Variants in ZNF736 observed in about 807,000 individuals in gnomAD.
ZNF736 encodes the protein zinc finger protein 736.
In ZNF736, 6 loss-of-function variants were observed where a neutral mutation model predicts 11.7. The ratio of observed to expected loss-of-function variants is 0.51; its 90% CI spans 0.28 to 1.01. ZNF736 has a LOEUF of 1.01. Ranked by LOEUF, ZNF736 falls within the 50% of genes least tolerant of loss-of-function variation. ZNF736 has a pLI of 0.09. For missense variants in ZNF736, 444 were observed against 496.0 expected (o/e 0.90, Z 1.00); for synonymous variants, 139 against 164.7 (o/e 0.84, Z 1.19).
intron 3 of ZNF736, among the ~76,000 whole-genome samples, chr7:64,341,154 A>G (rs1281786453): frequency 1.3e-5 from 2 of 152,066 alleles, no homozygotes; most frequent in Non-Finnish European, 2.9e-5. Flanking sequence ...TTTTTCTGCC[A>G]CAATTTCTAC....
chr7:64,319,599 A>C (rs1019957649), intron 1 of ZNF736, among the ~76,000 whole-genome samples: 2 of 141,332 alleles, frequency 1.4e-5, no homozygotes, highest in African/African-American at 5.3e-5. Context: ...GGATTCAAGC[A>C]ATTTTCCTGC....
At chr7:64,341,613 CTG>C (rs757941054) in intron 3 of ZNF736, among the ~76,000 whole-genome samples, 9 of 152,162 alleles carry the variant, frequency 5.9e-5, no homozygotes, top group Non-Finnish European at 1.0e-4. Context: ...CAGATACAAA[CTG>C]TAATTCTCAT....
chr7:64,330,153 G>A (rs1318380281), intron 1 of ZNF736, among the ~76,000 whole-genome samples: 4 of 148,838 alleles, frequency 2.7e-5, no homozygotes, highest in Non-Finnish European at 4.4e-5. Context: ...CAGGGAAGTG[G>A]GGTTTTTTTT....
At chr7:64,316,650 G>A (rs534706542) in intron 1 of ZNF736, among the ~76,000 whole-genome samples, 1 of 152,028 alleles carries the variant, frequency 6.6e-6, no homozygotes, top group Non-Finnish European at 1.5e-5. Flanking sequence ...ACTTCTCCCT[G>A]TGTTTGTCAC....
chr7:64,319,295 ATGTG>A (rs1344992885), intron 1 of ZNF736, among the ~76,000 whole-genome samples: 1 of 120,572 alleles, frequency 8.3e-6, no homozygotes, highest in East Asian at 2.8e-4. Flanking sequence ...GTATGTATGT[ATGTG>A]TGTGTGTGTA....
intron 1 of ZNF736, among the ~76,000 whole-genome samples, chr7:64,316,072 T>A (rs879370798): frequency 7.9e-5 from 12 of 152,184 alleles, no homozygotes; most frequent in Non-Finnish European, 1.5e-4. Context: ...GTCACTCTCC[T>A]GTGTTTTCCT....
At chr7:64,323,035 C>T (rs1044956918) in intron 1 of ZNF736, among the ~76,000 whole-genome samples, 11 of 152,120 alleles carry the variant, frequency 7.2e-5, no homozygotes, top group African/African-American at 2.7e-4. Context: ...TCTTTAGCGC[C>T]TTCTTTTTTT....
At chr7:64,316,173 C>T (rs1788915008) in intron 1 of ZNF736, among the ~76,000 whole-genome samples, 1 of 152,240 alleles carries the variant, frequency 6.6e-6, no homozygotes, top group Non-Finnish European at 1.5e-5. Context: ...GCCCCTGGGT[C>T]ATCTCCTTTC....
chr7:64,342,261 G>A (rs200154172), intron 3 of ZNF736, among the ~76,000 whole-genome samples: 1 of 152,114 alleles, frequency 6.6e-6, no homozygotes, highest in East Asian at 1.9e-4. Flanking sequence ...CGGAACAGAT[G>A]TCATATGTTT....
intron 1 of ZNF736, among the ~76,000 whole-genome samples, chr7:64,332,556 TAAAC>T (rs1412435964): frequency 2.6e-5 from 4 of 152,150 alleles, no homozygotes; most frequent in African/African-American, 9.7e-5. Context: ...ATAAACATCT[TAAAC>T]AACAGAAAAC....
intron 1 of ZNF736, among the ~76,000 whole-genome samples, chr7:64,323,406 ATTAAAC>A (rs1789028734): frequency 1.4e-5 from 2 of 147,972 alleles, no homozygotes; most frequent in Admixed American, 6.9e-5. Flanking sequence ...ATTTTTTTCA[ATTAAAC>A]TTAAGCAGTA....
In ZNF736 at chr7:64,319,488, C is replaced by CTTTTTTTTTTTTTTTTTTTTTTTTTTTTT. The variant is rs1408764142; in HGVS notation, c.3+5335_3+5336insTTTTTTTTTTTTTTTTTTTTTTTTTTTTT. ...CCAGGTAAATAGAAAACATTTCTTC[C>CTTTTTTTTTTTTTTTTTTTTTTTTTTTTT]CTTTTTTTTTTTTTTTTTTTTTTTT... On this transcript the variant is annotated intron_variant, in intron 1 of 3. Coordinates refer to ENST00000423484, the MANE Select transcript of ZNF736 (RefSeq NM_001170905.3). Among the ~76,000 whole-genome samples the CTTTTTTTTTTTTTTTTTTTTTTTTTTTTT allele has an allele frequency of 6.6e-5, 5 of 75,248 alleles. 2 individuals carry two copies. The highest frequency in any genetic ancestry group is 1.6e-4 in the African/African-American group (3 of 18,344). The allele number at this position is 75,248 out of a possible 152,430, so 49.4% of individuals were successfully genotyped here.
At chr7:64,337,755 G>GTTTTTTTTTT (rs147991832) in intron 3 of ZNF736, among the ~76,000 whole-genome samples, 4 of 86,234 alleles carry the variant, frequency 4.6e-5, no homozygotes, top group East Asian at 4.2e-4. Context: ...TGTTTTTTTT[G>GTTTTTTTTTT]GTTTTTTTTT....
chr7:64,339,145 T>G (rs1181745635), intron 3 of ZNF736, among the ~76,000 whole-genome samples: 1 of 152,176 alleles, frequency 6.6e-6, no homozygotes, highest in Non-Finnish European at 1.5e-5. Context: ...TATTTAGTCC[T>G]TGGCTTATTT....
intron 1 of ZNF736, among the ~76,000 whole-genome samples, chr7:64,327,665 T>C (rs1356287300): frequency 6.6e-6 from 1 of 152,178 alleles, no homozygotes; most frequent in East Asian, 1.9e-4. Context: ...TTTTTTCTAG[T>C]GGTACGTTTT....
chr7:64,331,758 A>G (rs1789170593), intron 1 of ZNF736, among the ~76,000 whole-genome samples: 2 of 152,142 alleles, frequency 1.3e-5, no homozygotes, highest in Admixed American at 1.3e-4. Flanking sequence ...GTTCCAAATG[A>G]AGATCATAGA....
intron 1 of ZNF736, among the ~76,000 whole-genome samples, chr7:64,328,766 A>G (rs1789117614): frequency 6.6e-6 from 1 of 152,176 alleles, no homozygotes; most frequent in Admixed American, 6.5e-5. Context: ...TGTCTGAAAA[A>G]AAAACTTCAG....
intron 1 of ZNF736, among the ~76,000 whole-genome samples, chr7:64,328,365 C>A (rs745524382): frequency 6.6e-6 from 1 of 151,964 alleles, no homozygotes; most frequent in East Asian, 1.9e-4. Context: ...ACTGATGAGT[C>A]CACTGTCAAA....
Position 64,349,217 on chromosome 7 carries a change from C to A in ZNF736, c.*70C>A. On this transcript the variant is annotated 3_prime_UTR_variant, in exon 4 of 4. Transcript: ENST00000423484. The stretch of plus-strand genomic sequence containing the variant: ...TCTGAAATTTAATACTGAACAAATG[C>A]AGTATAAATGTAATGACAGTGGAAG... The A allele has an allele frequency of 1.6e-6, 2 of 1,257,474 alleles. No homozygotes were observed. Among genetic ancestry groups the A allele is most frequent in the South Asian group, 1.6e-5 (1 of 62,592 alleles). 77.9% of individuals were successfully genotyped at this position (1,257,474 alleles called of 1,614,324 possible).
Sources: allele counts gnomAD v4.1 joint callset (sites outside exome capture counted in the v4.1 genomes callset), GRCh38; gene constraint gnomAD v4.1.1; transcripts MANE v1.5; gene names NCBI Gene and HGNC (gene_info 2026-07-23, HGNC 2026-07-21).